The following CNTN5 variants were observed in gnomAD, a reference collection of about 807,000 sequenced individuals.
CNTN5 encodes the protein contactin-5.
In CNTN5, 77 loss-of-function variants were observed where a neutral mutation model predicts 129.1. The observed-to-expected ratio is 0.60, with a 90% confidence interval of 0.50 to 0.72. CNTN5 has a LOEUF of 0.72. Among genes scored for constraint, CNTN5 ranks in the 30% least tolerant of loss-of-function variants. CNTN5 has a pLI of 0.00. For missense variants in CNTN5, 1,478 were observed against 1,328.8 expected, an observed-to-expected ratio of 1.11 and a Z score of -1.75; for synonymous variants, 509 against 465.6, an observed-to-expected ratio of 1.09 and a Z score of -1.20.
intron 6 of CNTN5, among the ~76,000 whole-genome samples, chr11:99,879,819 G>A (rs1948726103): frequency 6.6e-6 from 1 of 152,180 alleles, no homozygotes; most frequent in Admixed American, 6.5e-5. Context: ...CTAAGATCGA[G>A]AGTGTGTGGA....
chr11:99,195,032 T>C (rs963023030), intron 1 of CNTN5, among the ~76,000 whole-genome samples: 2 of 152,174 alleles, frequency 1.3e-5, no homozygotes, highest in African/African-American at 4.8e-5. Flanking sequence ...TACTGAAAGG[T>C]GCAATTTGCT....
intron 1 of CNTN5, among the ~76,000 whole-genome samples, chr11:99,218,875 C>G (rs181067655): frequency 6.6e-6 from 1 of 152,008 alleles, no homozygotes; most frequent in Non-Finnish European, 1.5e-5. Context: ...TTTCTTTGAC[C>G]GCTTTCCCTG....
chr11:99,055,996 T>G (rs1340571680), intron 1 of CNTN5, among the ~76,000 whole-genome samples: 2 of 152,138 alleles, frequency 1.3e-5, no homozygotes, highest in East Asian at 3.9e-4. Flanking sequence ...CTGTATGAGA[T>G]TTTAAGGGCC....
intron 1 of CNTN5, among the ~76,000 whole-genome samples, chr11:99,088,674 A>G (rs763687692): frequency 1.3e-5 from 2 of 152,182 alleles, no homozygotes; most frequent in African/African-American, 2.4e-5. Flanking sequence ...AGACCTGTAC[A>G]TTATAGCAAC....
intron 17 of CNTN5, among the ~76,000 whole-genome samples, chr11:100,256,172 A>G (rs979511430): frequency 5.3e-5 from 8 of 152,176 alleles, no homozygotes; most frequent in Admixed American, 2.0e-4. Context: ...AAACTCACAT[A>G]TAAGTTGCAA....
intron 7 of CNTN5, among the ~76,000 whole-genome samples, chr11:99,948,059 G>A (rs1210715776): frequency 6.6e-6 from 1 of 152,102 alleles, no homozygotes; most frequent in Non-Finnish European, 1.5e-5. Flanking sequence ...GCTAACCGAG[G>A]TCTTAATTTT....
rs143043632 is a variant in CNTN5, at chr11:99,545,908, C to T, written c.-70-10237C>T. Among the ~76,000 whole-genome samples, 192 of 152,224 alleles carry T rather than the reference C, an allele frequency of 1.3e-3. 1 individual carries two copies. The highest frequency in any genetic ancestry group is 4.6e-3 in the African/African-American group (190 of 41,532). On this transcript the variant is annotated intron_variant, in intron 2 of 24. Coordinates refer to ENST00000524871, the MANE Select transcript of CNTN5 (RefSeq NM_014361.4). The stretch of plus-strand genomic sequence containing the variant: ...CCAGGGCTTCATCTCCTAAGTCGTC[C>T]CACTCATTATTAGAAGAACTTCTCC...
At chr11:99,835,895 AT>A (rs944475254) in intron 4 of CNTN5, among the ~76,000 whole-genome samples, 3 of 152,144 alleles carry the variant, frequency 2.0e-5, no homozygotes, top group Admixed American at 2.0e-4. Flanking sequence ...ACTATGTAAT[AT>A]TGTTATAGGA....
At chr11:99,885,543 T>C (rs78026390) in intron 6 of CNTN5, among the ~76,000 whole-genome samples, 5,879 of 152,214 alleles carry the variant, frequency 0.039, 197 homozygotes, top group East Asian at 0.17. Flanking sequence ...CCAATAATTA[T>C]ACCCTCAAGG....
At chr11:99,976,582 A>G (rs1937988263) in intron 8 of CNTN5, among the ~76,000 whole-genome samples, 1 of 152,216 alleles carries the variant, frequency 6.6e-6, no homozygotes, top group African/African-American at 2.4e-5. Flanking sequence ...TGCCACGTGG[A>G]AACCACCAAG....
At chr11:99,946,117 TA>T (rs1950549194) in intron 7 of CNTN5, among the ~76,000 whole-genome samples, 1 of 152,194 alleles carries the variant, frequency 6.6e-6, no homozygotes, top group African/African-American at 2.4e-5. Flanking sequence ...GGTCATCTCC[TA>T]AATCAGTGTT....
intron 9 of CNTN5, among the ~76,000 whole-genome samples, chr11:100,045,962 T>C (rs1942646672): frequency 6.6e-6 from 1 of 152,156 alleles, no homozygotes; most frequent in East Asian, 1.9e-4. Flanking sequence ...TTTTATTTTA[T>C]TTTATTATTA....
At chr11:99,326,012 G>A (rs2136010803) in intron 2 of CNTN5, among the ~76,000 whole-genome samples, 1 of 152,322 alleles carries the variant, frequency 6.6e-6, no homozygotes, top group East Asian at 1.9e-4. Flanking sequence ...CGACTTTTAT[G>A]CAGTTTGCAC....
chr11:99,269,349 A>ATT (rs532043504), intron 1 of CNTN5, among the ~76,000 whole-genome samples: 38 of 147,876 alleles, frequency 2.6e-4, no homozygotes, highest in African/African-American at 8.1e-4. Flanking sequence ...TTGTTCCCTG[A>ATT]TTTTTTTTTT....
At chr11:100,293,054 G>A (rs967256743) in intron 18 of CNTN5, among the ~76,000 whole-genome samples, 1 of 151,836 alleles carries the variant, frequency 6.6e-6, no homozygotes. Context: ...AGATGGGCTG[G>A]ATTAGTTTTA....
intron 1 of CNTN5, among the ~76,000 whole-genome samples, chr11:99,141,953 A>G (rs1859535574): frequency 6.6e-6 from 1 of 152,134 alleles, no homozygotes; most frequent in Non-Finnish European, 1.5e-5. Context: ...AGAAGAATGT[A>G]TATTCTTTCG....
Position 99,559,249 on chromosome 11 carries a change from C to T in CNTN5, c.55+2980C>T, listed in dbSNP as rs1302666536. ...AGCTGTGGATCACGAGCACATTTTA[C>T]GTTGTTGGTGCTGTTTGAACCAAAA... On this transcript the variant is annotated intron_variant, in intron 3 of 24. Transcript: ENST00000524871. Among the ~76,000 whole-genome samples, 8 of 152,218 alleles carry T rather than the reference C, an allele frequency of 5.3e-5. No homozygotes were observed. The East Asian group carries it at 9.6e-4, about 18-fold the overall frequency.
At chr11:99,657,230 A>AT (rs1171129580) in intron 3 of CNTN5, among the ~76,000 whole-genome samples, 2 of 152,156 alleles carry the variant, frequency 1.3e-5, no homozygotes, top group African/African-American at 4.8e-5. Context: ...TCGGCATGTT[A>AT]AAGGGAAAGT....
intron 3 of CNTN5, among the ~76,000 whole-genome samples, chr11:99,612,682 T>C (rs1474208926): frequency 6.6e-6 from 1 of 152,240 alleles, no homozygotes; most frequent in African/African-American, 2.4e-5. Context: ...ACAGGCATTA[T>C]CATTTATTAA....
Sources: allele counts gnomAD v4.1 joint callset (sites outside exome capture counted in the v4.1 genomes callset), GRCh38; gene constraint gnomAD v4.1.1; transcripts MANE v1.5; gene names NCBI Gene and HGNC (gene_info 2026-07-23, HGNC 2026-07-21).